Variants in RGS17 observed in about 807,000 individuals in gnomAD.
The protein encoded by RGS17 is regulator of G-protein signaling 17.
In RGS17, 12 loss-of-function variants were observed where a neutral mutation model predicts 25.5. The ratio of observed to expected loss-of-function variants is 0.47; its 90% confidence interval spans 0.30 to 0.76. RGS17 has a LOEUF of 0.76. Among genes scored for constraint, RGS17 ranks in the 30% least tolerant of loss-of-function variants. RGS17 has a pLI of 0.07. For missense variants in RGS17, 196 were observed against 242.2 expected (o/e 0.81, Z 1.27); for synonymous variants, 71 against 76.9 (o/e 0.92, Z 0.40).
At chr6:153,057,575 G>C (rs1224350937) in intron 1 of RGS17, among the ~76,000 whole-genome samples, 1 of 152,132 alleles carries the variant, frequency 6.6e-6, no homozygotes, top group Non-Finnish European at 1.5e-5. Context: ...CCAGTTTCAT[G>C]GAAGACAATT....
chr6:153,025,881 T>G (rs755603964), intron 3 of RGS17, among the ~76,000 whole-genome samples: 3 of 151,946 alleles, frequency 2.0e-5, no homozygotes, highest in Non-Finnish European at 4.4e-5. Context: ...ATTTTTAATT[T>G]TAAAAAGCTT....
intron 2 of RGS17, among the ~76,000 whole-genome samples, chr6:153,037,570 C>T (rs1262689601): frequency 6.6e-6 from 1 of 151,828 alleles, no homozygotes; most frequent in East Asian, 1.9e-4. Context: ...GGATTACAGG[C>T]GCATGCCACC....
intron 1 of RGS17, among the ~76,000 whole-genome samples, chr6:153,114,667 G>A (rs540705609): frequency 1.1e-4 from 17 of 152,200 alleles, no homozygotes; most frequent in Admixed American, 2.6e-4. Context: ...GAACATCGAC[G>A]CGAAAATCCT....
intron 1 of RGS17, among the ~76,000 whole-genome samples, chr6:153,108,906 A>G (rs1023037773): frequency 4.6e-5 from 7 of 151,844 alleles, no homozygotes; most frequent in Non-Finnish European, 8.8e-5. Context: ...AAAAAACCTC[A>G]AAGACCAAGT....
At chr6:153,128,676 C>G (rs1777741447) in intron 1 of RGS17, among the ~76,000 whole-genome samples, 1 of 152,022 alleles carries the variant, frequency 6.6e-6, no homozygotes, top group Non-Finnish European at 1.5e-5. Flanking sequence ...CCGTGGCCCT[C>G]GTGGTAGGAA....
rs370854796 is a variant in RGS17, at chr6:153,034,306, T to G, written c.120-7763A>C. Among the ~76,000 whole-genome samples, 3 of 152,292 alleles carry G rather than the reference T, an allele frequency of 2.0e-5. No individual in the cohort carries two copies. In the East Asian group the frequency reaches 5.8e-4, roughly 29 times the overall value. ...CAACACTCTGGGAATCCTGCAGCTG[T>G]GCAGTGCATGCTCCAGGGCTGCTCT... On this transcript the variant is annotated intron_variant, in intron 2 of 4. Transcript: ENST00000206262.
chr6:153,115,368 T>C (rs1313518042), intron 1 of RGS17, among the ~76,000 whole-genome samples: 3 of 152,236 alleles, frequency 2.0e-5, no homozygotes, highest in Non-Finnish European at 4.4e-5. Context: ...GGAATACAAC[T>C]TACAAGGGAT....
rs1779227259 is a variant in RGS17 at position 153,020,111 on chromosome 6, A to AATAT, written c.444+4147_444+4150dup. 6.3e-3 allele frequency among the ~76,000 whole-genome samples: 369 copies of AATAT among 58,352 alleles called. 3 individuals are homozygous for AATAT. The highest frequency in any genetic ancestry group is 8.8e-3 in the Non-Finnish European group (294 of 33,236). 38.3% of individuals were successfully genotyped at this position (58,352 alleles called of 152,430 possible). ...AATTGCAAATATCTTAAAAAAAAAAAATATATATATATATATATATATATA... is the reference window on the plus strand; with the variant it reads ...AATTGCAAATATCTTAAAAAAAAAAAATATATATATATATATATATATATATATA... On this transcript the variant is annotated intron_variant, in intron 4 of 4. Transcript: ENST00000206262.
At chr6:153,038,778 C>T (rs1477676029) in intron 2 of RGS17, among the ~76,000 whole-genome samples, 2 of 152,014 alleles carry the variant, frequency 1.3e-5, no homozygotes, top group African/African-American at 4.8e-5. Context: ...TGGCAGAGAG[C>T]GAAAGTGTGA....
At position 153,010,263 on chromosome 6, in the gene RGS17, G is replaced by A. The variant is rs569318393; in HGVS notation, c.*1311C>T. 2.0e-5 allele frequency: 3 copies of A among 151,890 alleles called. No individual in the cohort carries two copies. The East Asian group carries it at 5.8e-4, about 29-fold the overall frequency. 9.4% of individuals were successfully genotyped at this position (151,890 alleles called of 1,614,324 possible). On this transcript the variant is annotated 3_prime_UTR_variant, in exon 5 of 5. Coordinates refer to ENST00000206262, the MANE Select transcript of RGS17 (RefSeq NM_012419.5). ...TGATTATTTTAATTATCACTTTTAT[G>A]CATGACAGAATATTGTTTCCTTGAA...
chr6:153,059,168 T>C (rs145226947), intron 1 of RGS17, among the ~76,000 whole-genome samples: 2 of 152,160 alleles, frequency 1.3e-5, no homozygotes, highest in African/African-American at 4.8e-5. Context: ...TAGTTACAGA[T>C]AAATATATAA....
intron 2 of RGS17, among the ~76,000 whole-genome samples, chr6:153,039,225 C>G (rs545690602): frequency 6.6e-6 from 1 of 152,166 alleles, no homozygotes; most frequent in Non-Finnish European, 1.5e-5. Context: ...AGTTCCACCT[C>G]GATCCCTAAT....
At chr6:153,018,203 A>G (rs1035980621) in intron 4 of RGS17, among the ~76,000 whole-genome samples, 41 of 152,218 alleles carry the variant, frequency 2.7e-4, no homozygotes, top group African/African-American at 9.2e-4. Flanking sequence ...GCTATTTCTC[A>G]TCATGTGTGA....
intron 1 of RGS17, among the ~76,000 whole-genome samples, chr6:153,069,035 A>C (rs1029691090): frequency 6.6e-6 from 1 of 152,172 alleles, no homozygotes; most frequent in Admixed American, 6.5e-5. Context: ...CACTATGGAG[A>C]AGAGTTTGGA....
rs529886263 is a variant in RGS17 at position 153,073,787 on chromosome 6, A to G, written c.-25-29744T>C. Among the ~76,000 whole-genome samples the G allele has an allele frequency of 2.0e-5, 3 of 152,250 alleles. No homozygotes were observed. In the East Asian group the frequency reaches 5.8e-4, roughly 29 times the overall value. ...CCTGTCAGTGCTTGCTATGGGTCCA[A>G]CCAATTGATGTAACCATTATAGATC... On this transcript the variant is annotated intron_variant, in intron 1 of 4. Transcript: ENST00000206262.
At chr6:153,053,706 T>A (rs970201990) in intron 1 of RGS17, among the ~76,000 whole-genome samples, 8 of 151,106 alleles carry the variant, frequency 5.3e-5, no homozygotes, top group Non-Finnish European at 7.4e-5. Context: ...GGTAGGAGGA[T>A]TGCTTCAACC....
intron 1 of RGS17, among the ~76,000 whole-genome samples, chr6:153,061,288 A>C (rs1007364664): frequency 3.3e-5 from 5 of 152,202 alleles, no homozygotes; most frequent in African/African-American, 1.2e-4. Context: ...AACCTTTAGA[A>C]TGGCCCTATT....
chr6:153,089,328 A>C (rs748749992), intron 1 of RGS17, among the ~76,000 whole-genome samples: 4 of 152,116 alleles, frequency 2.6e-5, no homozygotes, highest in Non-Finnish European at 5.9e-5. Context: ...TTAATAAAAA[A>C]CATTTATATT....
chr6:153,043,245 GC>G (rs111315109), intron 2 of RGS17, among the ~76,000 whole-genome samples: 5,279 of 152,226 alleles, frequency 0.035, 299 homozygotes, highest in African/African-American at 0.12. Flanking sequence ...CCCAGAGCCT[GC>G]CAGTGATAAC....
Sources: gnomAD v4.1 joint callset for allele counts (sites outside exome capture counted in the v4.1 genomes callset) on GRCh38, gnomAD v4.1.1 for gene constraint, MANE v1.5 for transcripts, NCBI Gene and HGNC (gene_info 2026-07-23, HGNC 2026-07-21) for gene names.